Variants in CCDC178 observed in about 807,000 individuals in gnomAD.
CCDC178 encodes the protein coiled-coil domain-containing protein 178.
CCDC178 carries 126 observed loss-of-function variants against 117.4 expected under a neutral mutation model. The ratio of observed to expected loss-of-function variants is 1.07; its 90% CI spans 0.93 to 1.24. The LOEUF (loss-of-function observed/expected upper bound fraction) is 1.24, where lower values mean the gene tolerates loss of function less well. CCDC178 is among the 50% of genes most tolerant of loss of function. The pLI is 0.00. For synonymous variants in CCDC178, 283 were observed against 313.4 expected, an observed-to-expected ratio of 0.90 and a Z score of 1.02; for missense variants, 1,030 against 986.9, an observed-to-expected ratio of 1.04 and a Z score of -0.59.
chr18:32,997,353 G>A (rs150429644), intron 21 of CCDC178, among the ~76,000 whole-genome samples: 68 of 152,280 alleles, frequency 4.5e-4, no homozygotes, highest in African/African-American at 1.5e-3. Context: ...CCTCCCTAAT[G>A]TGGTTGGGCC....
intron 15 of CCDC178, among the ~76,000 whole-genome samples, chr18:33,227,579 T>TACAC (rs1309554505): frequency 3.1e-3 from 207 of 67,602 alleles, no homozygotes; most frequent in African/African-American, 7.3e-3. Context: ...TATATATATA[T>TACAC]ACACACACAC....
At chr18:33,422,684 A>AC (rs1221958394) in intron 2 of CCDC178, among the ~76,000 whole-genome samples, 41 of 152,300 alleles carry the variant, frequency 2.7e-4, no homozygotes, top group Non-Finnish European at 1.6e-4. Flanking sequence ...GCTATTGGCT[A>AC]CCATACTGGA....
At chr18:33,354,680 GGCT>G in intron 7 of CCDC178, among the ~76,000 whole-genome samples, 1 of 149,268 alleles carries the variant, frequency 6.7e-6, no homozygotes, top group Non-Finnish European at 1.5e-5. Flanking sequence ...GCACGATCTT[GGCT>G]CACTGCAACC....
intron 12 of CCDC178, among the ~76,000 whole-genome samples, chr18:33,282,597 T>C (rs1353201258): frequency 6.6e-6 from 1 of 152,100 alleles, no homozygotes; most frequent in Non-Finnish European, 1.5e-5. Flanking sequence ...AGAGCTCCAG[T>C]AAGATGGCCC....
At chr18:32,982,138 A>G (rs2055166537) in intron 21 of CCDC178, among the ~76,000 whole-genome samples, 1 of 152,124 alleles carries the variant, frequency 6.6e-6, no homozygotes, top group African/African-American at 2.4e-5. Flanking sequence ...CACTTTGGAT[A>G]AAATTAAATC....
At chr18:33,262,574 T>A (rs553504767) in intron 14 of CCDC178, among the ~76,000 whole-genome samples, 1 of 152,290 alleles carries the variant, frequency 6.6e-6, no homozygotes, top group African/African-American at 2.4e-5. Context: ...TCTGGCATGA[T>A]GGTTCCTTAG....
chr18:33,244,182 C>T (rs1041373094), intron 15 of CCDC178, among the ~76,000 whole-genome samples: 1 of 151,816 alleles, frequency 6.6e-6, no homozygotes, highest in Non-Finnish European at 1.5e-5. Context: ...TATTCATTGA[C>T]GATAATGCTA....
intron 12 of CCDC178, among the ~76,000 whole-genome samples, chr18:33,274,848 A>G (rs2059928848): frequency 6.6e-6 from 1 of 152,092 alleles, no homozygotes; most frequent in Non-Finnish European, 1.5e-5. Context: ...TGAAGTTATG[A>G]GACAATCATG....
intron 22 of CCDC178, among the ~76,000 whole-genome samples, chr18:32,938,486 A>G (rs535761411): frequency 6.6e-4 from 101 of 152,252 alleles, no homozygotes; most frequent in African/African-American, 2.3e-3. Context: ...TTCTGTTCAT[A>G]GTGCTTCAAC....
intron 12 of CCDC178, among the ~76,000 whole-genome samples, chr18:33,281,561 C>T (rs1002434573): frequency 6.6e-6 from 1 of 151,952 alleles, no homozygotes; most frequent in African/African-American, 2.4e-5. Context: ...AGTTGCCATA[C>T]AAGATCCAAT....
intron 12 of CCDC178, among the ~76,000 whole-genome samples, chr18:33,283,351 T>C (rs966433638): frequency 1.3e-5 from 2 of 152,010 alleles, no homozygotes; most frequent in African/African-American, 4.8e-5. Context: ...GTAACCAACC[T>C]CAAAGACTGA....
At chr18:33,394,947 A>ATG (rs1474920876) in intron 4 of CCDC178, among the ~76,000 whole-genome samples, 35 of 23,800 alleles carry the variant, frequency 1.5e-3, no homozygotes, top group Admixed American at 4.1e-3. Flanking sequence ...GTATGTGTAT[A>ATG]TATATATATA....
chr18:33,095,199 T>C (rs558426509), intron 20 of CCDC178, among the ~76,000 whole-genome samples: 173 of 152,114 alleles, frequency 1.1e-3, no homozygotes, highest in Middle Eastern at 6.8e-3. Flanking sequence ...CCTAAGTACA[T>C]ATAACACTTT....
At chr18:33,429,372 C>CAGAGAGAGAG (rs1235900552) in intron 2 of CCDC178, among the ~76,000 whole-genome samples, 1 of 149,748 alleles carries the variant, frequency 6.7e-6, no homozygotes, top group Non-Finnish European at 1.5e-5. Context: ...GAGAGAGAGA[C>CAGAGAGAGAG]AGACAGAGAG....
intron 2 of CCDC178, among the ~76,000 whole-genome samples, chr18:33,414,995 A>T (rs1444788878): frequency 1.3e-5 from 2 of 152,234 alleles, no homozygotes; most frequent in African/African-American, 2.4e-5. Context: ...TCAAAACCAC[A>T]ATGAGATACC....
Position 33,333,183 on chromosome 18 carries a change from T to C in CCDC178, c.870A>G (p.Lys290=). The C allele has an allele frequency of 6.3e-7, 1 of 1,585,296 alleles. No homozygotes were observed. The change falls in exon 10 of 23, where the codon AAA becomes AAG. Residue 290 remains lysine, a synonymous_variant. Transcript: ENST00000383096. ...ELQDLKNHYK[K]KMEVMDLHRK... ...GCATTCGTTTATTTACCTCCATTTTTTTTTTATAATGGTTCTTCAGATCTT... is the reference window on the plus strand; with the variant it reads ...GCATTCGTTTATTTACCTCCATTTTCTTTTTATAATGGTTCTTCAGATCTT...
At chr18:33,292,154 A>T (rs564269601) in intron 12 of CCDC178, among the ~76,000 whole-genome samples, 1 of 152,368 alleles carries the variant, frequency 6.6e-6, no homozygotes, top group Admixed American at 6.5e-5. Context: ...GGCATAATTC[A>T]CAAAACCTAA....
At chr18:32,969,622 C>T (rs1035969222) in intron 22 of CCDC178, among the ~76,000 whole-genome samples, 15 of 151,936 alleles carry the variant, frequency 9.9e-5, no homozygotes, top group African/African-American at 3.6e-4. Flanking sequence ...ATATTTCTCC[C>T]ACTCTTTAAT....
At chr18:33,349,928 T>C (rs1013423788) in intron 7 of CCDC178, among the ~76,000 whole-genome samples, 9 of 151,932 alleles carry the variant, frequency 5.9e-5, no homozygotes, top group Non-Finnish European at 8.8e-5. Context: ...TTACTACCAT[T>C]TCATATTTCT....
Sources: allele counts gnomAD v4.1 joint callset (sites outside exome capture counted in the v4.1 genomes callset), GRCh38; gene constraint gnomAD v4.1.1; transcripts MANE v1.5; gene names NCBI Gene and HGNC (gene_info 2026-07-23, HGNC 2026-07-21).